The following TRAM2 variants were observed in gnomAD, a reference collection of about 807,000 sequenced individuals.
The protein encoded by TRAM2 is translocating chain-associated membrane protein 2.
A neutral mutation model predicts 51.0 loss-of-function variants in TRAM2; 12 were observed. The ratio of observed to expected loss-of-function variants is 0.24; its 90% CI spans 0.15 to 0.38. The LOEUF (loss-of-function observed/expected upper bound fraction) is 0.38, where lower values mean the gene tolerates loss of function less well. Among genes scored for constraint, TRAM2 ranks in the 10% least tolerant of loss-of-function variants. The probability of loss-of-function intolerance (pLI) is 1.00; values close to 1 mark genes in which losing one functional copy is unlikely to be tolerated. For synonymous variants in TRAM2, 175 were observed against 179.4 expected (o/e 0.98, Z 0.20); for missense variants, 361 against 462.0 (o/e 0.78, Z 2.00).
At chr6:52,570,514 C>T (rs149779762) in intron 1 of TRAM2, among the ~76,000 whole-genome samples, 40 of 152,288 alleles carry the variant, frequency 2.6e-4, no homozygotes, top group African/African-American at 5.1e-4. Flanking sequence ...ATTTTGGCTC[C>T]GACTCTAACT....
chr6:52,517,540 G>A (rs1316351876), intron 2 of TRAM2, among the ~76,000 whole-genome samples: 3 of 152,258 alleles, frequency 2.0e-5, no homozygotes, highest in Non-Finnish European at 2.9e-5. Flanking sequence ...CCCAGGTATA[G>A]AAATCTTGTG....
At chr6:52,516,324 G>A in intron 3 of TRAM2, 11 of 602,386 alleles carry the variant, frequency 1.8e-5, no homozygotes, top group East Asian at 5.5e-5. Context: ...GTGGCAAGAT[G>A]AATGTCTCTA....
Position 52,500,717 on chromosome 6 carries a change from CAG to C in TRAM2, c.*2478_*2479del, listed in dbSNP as rs1001469168. 1.1e-4 allele frequency: 16 copies of C among 152,196 alleles called. No individual in the cohort carries two copies. Among genetic ancestry groups the C allele is most frequent in the Non-Finnish European group, 2.1e-4 (14 of 68,072 alleles). 9.4% of individuals were successfully genotyped at this position (152,196 alleles called of 1,614,324 possible). ...TCTCTGGCACGCAAGTGTCCTGGGA[CAG>C]AGCAATGGAAACCTACAGGCATGAG... On this transcript the variant is annotated 3_prime_UTR_variant, in exon 11 of 11. Coordinates refer to ENST00000182527, the MANE Select transcript of TRAM2 (RefSeq NM_012288.4).
At chr6:52,530,356 T>C (rs1766865047) in intron 2 of TRAM2, among the ~76,000 whole-genome samples, 1 of 152,222 alleles carries the variant, frequency 6.6e-6, no homozygotes. Flanking sequence ...TTAATCTTTT[T>C]AACCAGCTGA....
intron 2 of TRAM2, among the ~76,000 whole-genome samples, chr6:52,530,100 G>T (rs1262943597): frequency 6.6e-6 from 1 of 152,146 alleles, no homozygotes; most frequent in East Asian, 1.9e-4. Flanking sequence ...CATAATTTGG[G>T]ACGTAATTAT....
At chr6:52,549,445 C>A (rs79094232) in intron 1 of TRAM2, among the ~76,000 whole-genome samples, 2 of 152,078 alleles carry the variant, frequency 1.3e-5, no homozygotes, top group Non-Finnish European at 2.9e-5. Context: ...GAGGCAACAT[C>A]GTAACATAAA....
chr6:52,563,694 CAAAAA>C (rs556665738), intron 1 of TRAM2, among the ~76,000 whole-genome samples: 2 of 77,264 alleles, frequency 2.6e-5, no homozygotes, highest in Non-Finnish European at 4.7e-5. Flanking sequence ...GACTCAGCCT[CAAAAA>C]AAAAAAAAAA....
chr6:52,505,814 A>G (rs1214330917), intron 8 of TRAM2, 72 bp from the exon 9 acceptor site: 6 of 1,532,068 alleles, frequency 3.9e-6, no homozygotes, highest in Non-Finnish European at 5.3e-6. Context: ...CTTCTCCAGA[A>G]GAGACCCCGA....
At chr6:52,572,811 G>A (rs550201764) in intron 1 of TRAM2, among the ~76,000 whole-genome samples, 24 of 152,232 alleles carry the variant, frequency 1.6e-4, no homozygotes, top group Non-Finnish European at 2.8e-4. Context: ...TGACACAATG[G>A]GCTCCCATTG....
At chr6:52,511,619 T>C (rs1436039806) in intron 4 of TRAM2, among the ~76,000 whole-genome samples, 2 of 152,150 alleles carry the variant, frequency 1.3e-5, no homozygotes, top group African/African-American at 2.4e-5. Context: ...TCTAGGTTAT[T>C]GTCTATTAGG....
chr6:52,546,860 G>T (rs1468165569), intron 1 of TRAM2, among the ~76,000 whole-genome samples: 1 of 152,198 alleles, frequency 6.6e-6, no homozygotes, highest in Non-Finnish European at 1.5e-5. Context: ...TGAAATGTGA[G>T]CAGCCCGTGA....
In TRAM2 at chr6:52,504,893, G is replaced by T. The variant is rs886325255; in HGVS notation, c.876-139C>A. ...TCCGCCTTCACCACTGGCCCTCTTC[G>T]ATACCACCACTATCACCAGGAAGAA... On this transcript the variant is annotated intron_variant, in intron 9 of 10. Transcript: ENST00000182527. The T allele has an allele frequency of 4.4e-6, 3 of 687,572 alleles. No individual in the cohort carries two copies. In the East Asian group the frequency reaches 8.2e-5, roughly 19 times the overall value. 42.6% of individuals were successfully genotyped at this position (687,572 alleles called of 1,614,324 possible).
chr6:52,575,425 G>A (rs574025196), intron 1 of TRAM2, among the ~76,000 whole-genome samples: 1 of 152,130 alleles, frequency 6.6e-6, no homozygotes, highest in South Asian at 2.1e-4. Context: ...GAAGGAGAGA[G>A]GGACTGAACT....
At chr6:52,515,720 A>G (rs1261638938) in intron 4 of TRAM2, among the ~76,000 whole-genome samples, 1 of 152,228 alleles carries the variant, frequency 6.6e-6, no homozygotes, top group Non-Finnish European at 1.5e-5. Flanking sequence ...TATTATGTAG[A>G]TACATGGTAT....
chr6:52,509,395 T>C (rs1019763909), intron 5 of TRAM2, 133 bp downstream of exon 5: 1 of 764,830 alleles, frequency 1.3e-6, no homozygotes, highest in Admixed American at 2.5e-5. Context: ...AAGTCTACCA[T>C]CCACAATAGG....
At chr6:52,513,445 C>G (rs917446855) in intron 4 of TRAM2, among the ~76,000 whole-genome samples, 8 of 152,130 alleles carry the variant, frequency 5.3e-5, no homozygotes, top group South Asian at 2.1e-4. Flanking sequence ...TGCTAGCAGG[C>G]AGCTCAGAAT....
In TRAM2 at chr6:52,545,344, G is replaced by A. The variant is rs556389849; in HGVS notation, c.121-9498C>T. ...CCAGGAGGCCAGGTGTCCCCCACCCGAGGCCCATTAAGTAAGTCTCTTTCA... is the reference window on the plus strand; with the variant it reads ...CCAGGAGGCCAGGTGTCCCCCACCCAAGGCCCATTAAGTAAGTCTCTTTCA... On this transcript the variant is annotated intron_variant, in intron 1 of 10. Transcript: ENST00000182527. Among the ~76,000 whole-genome samples the A allele has an allele frequency of 5.3e-5, 8 of 152,298 alleles. No homozygotes were observed. The East Asian group carries it at 1.2e-3, about 22-fold the overall frequency.
At chr6:52,529,027 A>G (rs1314425164) in intron 2 of TRAM2, among the ~76,000 whole-genome samples, 1 of 149,882 alleles carries the variant, frequency 6.7e-6, no homozygotes, top group Non-Finnish European at 1.5e-5. Flanking sequence ...AGCAGCTGGG[A>G]CTACAAGTGC....
chr6:52,505,711 T>C lies in TRAM2; in HGVS notation c.763A>G (p.Thr255Ala), dbSNP rs1000386345. 1 of 1,611,730 alleles carries C rather than the reference T, an allele frequency of 6.2e-7. No individual in the cohort carries two copies. Among genetic ancestry groups the C allele is most frequent in the South Asian group, 1.1e-5 (1 of 90,872 alleles). The change falls in exon 9 of 11, where the codon ACC (threonine) becomes GCC (alanine). Residue 255 changes from threonine (T) to alanine (A), a missense_variant. Transcript: ENST00000182527. ...GCAAGGGTGAGGATGAAGAGGCGGG[T>C]AACCCCAAAAACAGCAGCCCAGGCA... ...FSAWAAVFGV[T>A]RLFILTLAVL...
Sources: gnomAD v4.1 joint callset for allele counts (sites outside exome capture counted in the v4.1 genomes callset) on GRCh38, gnomAD v4.1.1 for gene constraint, MANE v1.5 for transcripts, NCBI Gene and HGNC (gene_info 2026-07-23, HGNC 2026-07-21) for gene names.